Variants in RNF19B observed in about 807,000 individuals in gnomAD.
RNF19B encodes E3 ubiquitin-protein ligase RNF19B.
RNF19B carries 23 observed loss-of-function variants against 65.5 expected under a neutral mutation model. The ratio of observed to expected loss-of-function variants is 0.35; its 90% confidence interval spans 0.25 to 0.50. The LOEUF (loss-of-function observed/expected upper bound fraction) is 0.50. Among genes scored for constraint, RNF19B ranks in the 20% least tolerant of loss-of-function variants. The pLI, the probability that RNF19B is intolerant of heterozygous loss-of-function variation, is 0.98. For synonymous variants in RNF19B, 372 were observed against 379.6 expected (o/e 0.98, Z 0.23); for missense variants, 794 against 980.0 (o/e 0.81, Z 2.53).
intron 7 of RNF19B, among the ~76,000 whole-genome samples, chr1:32,941,113 C>T (rs544863324): frequency 6.6e-6 from 1 of 152,140 alleles, no homozygotes; most frequent in East Asian, 1.9e-4. Context: ...GTCCTAGCTA[C>T]TCAGGAGGCT....
intron 1 of RNF19B, among the ~76,000 whole-genome samples, chr1:32,961,879 T>C (rs1346475522): frequency 2.6e-5 from 4 of 152,060 alleles, no homozygotes; most frequent in Admixed American, 2.0e-4. Flanking sequence ...ACAGGGACCT[T>C]TTCCAGAAAG....
Position 32,945,590 on chromosome 1 carries a change from G to C in RNF19B, c.1185C>G (p.His395Gln). The change falls in exon 5 of 9, where the codon CAC becomes CAG. Residue 395 changes from histidine to glutamine, a missense_variant. Transcript: ENST00000235150. ...SRYEGRKTSK[H>Q]KRNLAITGGV... The stretch of plus-strand genomic sequence containing the variant: ...CTCCAGTGATAGCCAAATTCCTCTT[G>C]TGTTTGGAGGTTTTCCTTCCCTCAT... 6.2e-7 allele frequency: 1 copy of C among 1,613,750 alleles called. No individual in the cohort carries two copies. The highest frequency in any genetic ancestry group is 8.5e-7 in the Non-Finnish European group (1 of 1,179,646).
chr1:32,938,277 G>T (rs772118551), intron 8 of RNF19B, 120 bp downstream of exon 8: 2 of 1,063,794 alleles, frequency 1.9e-6, no homozygotes, highest in East Asian at 2.4e-5. Flanking sequence ...GAATTCACAG[G>T]TTACACTATA....
chr1:32,961,115 T>C (rs1043566722), intron 1 of RNF19B, among the ~76,000 whole-genome samples: 1 of 152,194 alleles, frequency 6.6e-6, no homozygotes, highest in African/African-American at 2.4e-5. Context: ...CTATAACCAC[T>C]TTCAACTGAA....
chr1:32,930,848 G>A, the RNF19B span, among the ~76,000 whole-genome samples: 1 of 152,208 alleles, frequency 6.6e-6, no homozygotes, highest in Non-Finnish European at 1.5e-5. Context: ...AGCACTTTGG[G>A]AGGCCAAGGT....
rs183017854 is a variant in RNF19B at position 32,959,807 on chromosome 1, G to A, written c.635+4244C>T. 2.2e-4 allele frequency among the ~76,000 whole-genome samples: 34 copies of A among 151,760 alleles called. No individual in the cohort carries two copies. In the East Asian group the frequency reaches 6.4e-3, roughly 29 times the overall value. ...AATCCCAGCACTTTGGGAGGCCGAG[G>A]TGGGCAGATCACGAGGTCAGGAGAT... On this transcript the variant is annotated intron_variant, in intron 1 of 8. Coordinates refer to ENST00000235150, the MANE Select transcript of RNF19B (RefSeq NM_001300826.2).
At chr1:32,959,853 C>A (rs963222048) in intron 1 of RNF19B, among the ~76,000 whole-genome samples, 6 of 143,958 alleles carry the variant, frequency 4.2e-5, no homozygotes, top group African/African-American at 1.6e-4. Flanking sequence ...CTAGCTAACA[C>A]GGTGAAACCC....
intron 3 of RNF19B, among the ~76,000 whole-genome samples, chr1:32,946,795 C>T (rs770177839): frequency 1.3e-5 from 2 of 152,142 alleles, no homozygotes; most frequent in Non-Finnish European, 2.9e-5. Context: ...ACTTGAAATT[C>T]CTTTTCCATT....
downstream of RNF19B, among the ~76,000 whole-genome samples, chr1:32,931,704 C>A (rs1642031476): frequency 6.6e-6 from 1 of 152,228 alleles, no homozygotes; most frequent in South Asian, 2.1e-4. Context: ...GGGTCTCTCC[C>A]ATACTATGCC....
the RNF19B span, among the ~76,000 whole-genome samples, chr1:32,930,817 G>A: frequency 6.6e-6 from 1 of 152,258 alleles, no homozygotes; most frequent in Non-Finnish European, 1.5e-5. Flanking sequence ...GCCGGTCGCA[G>A]TGGCTCACGC....
intron 6 of RNF19B, among the ~76,000 whole-genome samples, chr1:32,942,965 C>G (rs371936662): frequency 2.7e-5 from 4 of 148,980 alleles, no homozygotes; most frequent in African/African-American, 7.4e-5. Context: ...ACGGTGAAAC[C>G]CCATCTCTAC....
Position 32,964,008 on chromosome 1 carries a change from C to T in RNF19B, c.635+43G>A. ...CCCTGCTGCCCCCAGCCACGCCCCT[C>T]GGCTGCAGCCCGCCGCCACCCGCGC... On this transcript the variant is annotated intron_variant, in intron 1 of 8. Transcript: ENST00000235150. The surrounding 1 kb of genome is among the most constrained non-coding windows in gnomAD (Gnocchi z 6.5). 7 of 1,402,996 alleles carry T rather than the reference C, an allele frequency of 5.0e-6. No individual in the cohort carries two copies. The South Asian group carries it at 6.4e-5, about 13-fold the overall frequency. 86.9% of individuals were successfully genotyped at this position (1,402,996 alleles called of 1,614,324 possible).
chr1:32,964,146 G>A lies in RNF19B; in HGVS notation c.540C>T (p.Ala180=), dbSNP rs1010210970. ...LNPHDIRLLL[A]DPPLMHKYEE... ...CGTACTTGTGCATAAGCGGCGGGTC[G>A]GCGAGCAGCAAGCGGATGTCGTGCG... is the stretch of plus-strand genomic sequence containing the variant. The change falls in exon 1 of 9, where the codon GCC becomes GCT. Residue 180 remains alanine (A), a synonymous_variant. Coordinates refer to ENST00000235150, the MANE Select transcript of RNF19B (RefSeq NM_001300826.2). This position sits in a 1 kb window ranked among gnomAD's most constrained non-coding sequence, Gnocchi z 6.5. 5 of 1,544,286 alleles carry A rather than the reference G, an allele frequency of 3.2e-6. No homozygotes were observed. Among genetic ancestry groups the A allele is most frequent in the African/African-American group, 1.4e-5 (1 of 71,958 alleles).
At chr1:32,942,133 C>T (rs1380993820) in intron 7 of RNF19B, 119 bp downstream of exon 7, 5 of 852,772 alleles carry the variant, frequency 5.9e-6, no homozygotes, top group Non-Finnish European at 9.1e-6. Flanking sequence ...AAAACAAAAC[C>T]ATTGACAATT....
rs1317224810 is a variant in RNF19B at position 32,942,440 on chromosome 1, G to T, written c.1422C>A (p.Ala474=). The T allele has an allele frequency of 2.5e-6, 4 of 1,614,016 alleles. No individual in the cohort carries two copies. The African/African-American group carries it at 5.3e-5, about 22-fold the overall frequency. ...TTTCCCCAATGCTGGGATTCTTGAG[G>T]GCTCTCCAGGCATCTGCCACTGGGG... ...GPITVADAWR[A]LKNPSIGESS... is the part of the protein sequence containing the mutation. Residue 474 remains alanine, a synonymous_variant, in exon 7 of 9, where the codon GCC becomes GCA. Coordinates refer to ENST00000235150, the MANE Select transcript of RNF19B (RefSeq NM_001300826.2).
rs557643977 is a variant in RNF19B at position 32,950,488 on chromosome 1, C to T, written c.636-714G>A. ...TTAGAGAGATTAGTATTTGTTTATA[C>T]GAAGGAAGAGGACATTAGTGAAATA... On this transcript the variant is annotated intron_variant, in intron 1 of 8. Transcript: ENST00000235150. Among the ~76,000 whole-genome samples, 220 of 151,814 alleles carry T rather than the reference C, an allele frequency of 1.4e-3. 1 individual carries two copies. The highest frequency in any genetic ancestry group is 5.0e-3 in the African/African-American group (205 of 41,404).
chr1:32,945,577 C>T lies in RNF19B; in HGVS notation c.1198G>A (p.Ala400Thr), dbSNP rs757907579. Residue 400 changes from alanine to threonine, a missense_variant, in exon 5 of 9, where the codon GCT becomes ACT. Coordinates refer to ENST00000235150, the MANE Select transcript of RNF19B (RefSeq NM_001300826.2). ...GACAAAGTCACTCCTCCAGTGATAG[C>T]CAAATTCCTCTTGTGTTTGGAGGTT... ...RKTSKHKRNL[A>T]ITGGVTLSVI... 7 of 1,613,946 alleles carry T rather than the reference C, an allele frequency of 4.3e-6. No individual in the cohort carries two copies. In the South Asian group the frequency reaches 7.7e-5, roughly 18 times the overall value.
chr1:32,929,134 C>A, the RNF19B span, among the ~76,000 whole-genome samples: 1 of 152,172 alleles, frequency 6.6e-6, no homozygotes, highest in Non-Finnish European at 1.5e-5. Context: ...GGGGGAGGAT[C>A]TGTTCCTTGC....
chr1:32,936,759 G>T lies in RNF19B; in HGVS notation c.*47C>A. 1.1e-5 allele frequency: 15 copies of T among 1,341,952 alleles called. No individual in the cohort carries two copies. Among genetic ancestry groups the T allele is most frequent in the African/African-American group, 1.5e-5 (1 of 66,438 alleles). The allele number at this position is 1,341,952 out of a possible 1,614,324, so 83.1% of individuals were successfully genotyped here. ...AAAAAAAAAAAAAAAAATTCCAAAA[G>T]ATGCAGTTACAAGTGTGCTTCTCAG... On this transcript the variant is annotated 3_prime_UTR_variant, in exon 9 of 9. Transcript: ENST00000235150.
Sources: allele counts gnomAD v4.1 joint callset (sites outside exome capture counted in the v4.1 genomes callset), GRCh38; gene constraint gnomAD v4.1.1; non-coding constraint Gnocchi (gnomAD v3.1); transcripts MANE v1.5; gene names NCBI Gene and HGNC (gene_info 2026-07-23, HGNC 2026-07-21).